CAST: variants seen among roughly 807,000 people sequenced by gnomAD.
The protein encoded by CAST is calpastatin, also known as MIR583 host.
In CAST, 76 loss-of-function variants were observed where a neutral mutation model predicts 119.6. The ratio of observed to expected loss-of-function variants is 0.64; its 90% CI spans 0.53 to 0.77. CAST has a LOEUF of 0.77. CAST is among the 30% of genes least tolerant of loss of function. The pLI is 0.00. For missense variants in CAST, 953 were observed against 946.5 expected (o/e 1.01, Z -0.09); for synonymous variants, 319 against 331.6 (o/e 0.96, Z 0.41).
chr5:96,691,583 T>G (rs1752735267), intron 2 of CAST, among the ~76,000 whole-genome samples: 1 of 152,348 alleles, frequency 6.6e-6, no homozygotes, highest in South Asian at 2.1e-4. Context: ...GCAAGGACTT[T>G]GGGCCTCTCC....
chr5:96,296,598 G>A, the CAST span, among the ~76,000 whole-genome samples: 5 of 152,156 alleles, frequency 3.3e-5, no homozygotes, highest in Non-Finnish European at 7.4e-5. Context: ...AAAACAACCT[G>A]AAGAGTGAAT....
At chr5:96,550,393 C>A (rs936933125) in intron 1 of CAST, among the ~76,000 whole-genome samples, 22 of 152,140 alleles carry the variant, frequency 1.4e-4, no homozygotes, top group Non-Finnish European at 2.6e-4. Context: ...ACATCCACAC[C>A]AAAACCTCAT....
the CAST span, among the ~76,000 whole-genome samples, chr5:96,348,882 G>A: frequency 3.3e-5 from 5 of 152,112 alleles, no homozygotes; most frequent in Non-Finnish European, 5.9e-5. Context: ...GGGCTGTAAC[G>A]GAAGTGGTGT....
At chr5:96,502,608 T>G in the CAST span, among the ~76,000 whole-genome samples, 1 of 140,248 alleles carries the variant, frequency 7.1e-6, no homozygotes, top group African/African-American at 2.7e-5. Flanking sequence ...GTTAGCAAGT[T>G]ACCTAGTCTT....
chr5:96,032,509 G>A, the CAST span, among the ~76,000 whole-genome samples: 2 of 152,146 alleles, frequency 1.3e-5, no homozygotes, highest in East Asian at 1.9e-4. Flanking sequence ...ATAGATTGTG[G>A]TACAAGAGAA....
At chr5:96,658,853 G>A (rs1223599166), upstream of CAST, among the ~76,000 whole-genome samples, 2 of 152,168 alleles carry the variant, frequency 1.3e-5, no homozygotes, top group African/African-American at 2.4e-5. Flanking sequence ...GCAGAGCTGG[G>A]ATTTAAACAT....
At chr5:96,193,583 A>G in the CAST span, among the ~76,000 whole-genome samples, 2 of 152,220 alleles carry the variant, frequency 1.3e-5, no homozygotes, top group Non-Finnish European at 2.9e-5. Context: ...CAAAATGACT[A>G]TGATTTCTCA....
chr5:96,661,860 A>AAG (rs1371489085), upstream of CAST, among the ~76,000 whole-genome samples: 1 of 127,468 alleles, frequency 7.8e-6, no homozygotes, highest in Non-Finnish European at 1.6e-5. Context: ...GCGTGCACGC[A>AAG]CGCACACACA....
chr5:96,767,517 T>TCCATTAA, intron 28 of CAST, 35 bp downstream of exon 28: 1 of 1,575,458 alleles, frequency 6.3e-7, no homozygotes, highest in Non-Finnish European at 8.7e-7. Context: ...CATTAAATTT[T>TCCATTAA]GTTTTATTCT....
At chr5:96,478,644 T>C in the CAST span, among the ~76,000 whole-genome samples, 165 of 152,350 alleles carry the variant, frequency 1.1e-3, no homozygotes, top group African/African-American at 3.8e-3. Flanking sequence ...AGAAACCACA[T>C]TAAATGGATT....
chr5:96,119,843 T>A, the CAST span, among the ~76,000 whole-genome samples: 1 of 152,108 alleles, frequency 6.6e-6, no homozygotes, highest in Non-Finnish European at 1.5e-5. Flanking sequence ...ATCTAGAGAT[T>A]TAAGGCCTTT....
At chr5:96,499,372 C>G in the CAST span, among the ~76,000 whole-genome samples, 2 of 152,160 alleles carry the variant, frequency 1.3e-5, no homozygotes, top group African/African-American at 4.8e-5. Context: ...GTTATATTTG[C>G]ACTATAGTGT....
At chr5:96,598,742 A>G (rs1378657035) in intron 1 of CAST, among the ~76,000 whole-genome samples, 1 of 152,210 alleles carries the variant, frequency 6.6e-6, no homozygotes, top group East Asian at 1.9e-4. Context: ...CATTTGAATC[A>G]GTAGACGGAG....
At chr5:96,272,325 C>A in the CAST span, among the ~76,000 whole-genome samples, 2 of 152,132 alleles carry the variant, frequency 1.3e-5, no homozygotes, top group Non-Finnish European at 2.9e-5. Context: ...TTTATTGTTG[C>A]AGCACTATTC....
At chr5:96,743,653 C>A in intron 16 of CAST, 1 of 1,613,348 alleles carries the variant, frequency 6.2e-7, no homozygotes, top group Non-Finnish European at 8.5e-7. Context: ...CTTCGACTTT[C>A]TTGGAGGGCT....
At chr5:96,480,807 C>T in the CAST span, among the ~76,000 whole-genome samples, 1 of 152,134 alleles carries the variant, frequency 6.6e-6, no homozygotes, top group South Asian at 2.1e-4. Flanking sequence ...AACCAGTGAC[C>T]TTTTGAAGCA....
At position 96,741,296 on chromosome 5, in the gene CAST, G is replaced by T. The variant is rs368744741; in HGVS notation, c.949G>T (p.Ala317Ser). The T allele has an allele frequency of 6.2e-7, 1 of 1,612,746 alleles. No individual in the cohort carries two copies. Residue 317 changes from alanine (A) to serine (S), a missense_variant, in exon 14 of 32, where the codon GCC becomes TCC. Transcript: ENST00000675179. ...KPIGPDDAID[A>S]LSSDFTCGSP... is the part of the protein sequence containing the mutation. ...CATAGGGCCAGATGATGCTATAGAC[G>T]CCTTGTCATCTGACTTCACCTGTGG... is the stretch of plus-strand genomic sequence containing the variant.
At chr5:96,268,304 G>T in the CAST span, among the ~76,000 whole-genome samples, 1 of 152,150 alleles carries the variant, frequency 6.6e-6, no homozygotes, top group African/African-American at 2.4e-5. Flanking sequence ...CAACTGCAGT[G>T]GCTCATTCCT....
the CAST span, among the ~76,000 whole-genome samples, chr5:96,440,453 C>T: frequency 4.6e-5 from 7 of 152,146 alleles, no homozygotes; most frequent in Non-Finnish European, 8.8e-5. Context: ...CCAGTGGGTG[C>T]CCCAACTCAA....
Sources: gnomAD v4.1 joint callset for allele counts (sites outside exome capture counted in the v4.1 genomes callset) on GRCh38, gnomAD v4.1.1 for gene constraint, MANE v1.5 for transcripts, NCBI Gene and HGNC (gene_info 2026-07-23, HGNC 2026-07-21) for gene names.